SKAP2: variants seen among roughly 807,000 people sequenced by gnomAD.
SKAP2 encodes the protein src kinase-associated phosphoprotein 2.
A neutral mutation model predicts 54.9 loss-of-function variants in SKAP2; 28 were observed. The observed-to-expected ratio is 0.51, with a 90% CI of 0.38 to 0.70. SKAP2 has a LOEUF of 0.70. Ranked by LOEUF, SKAP2 falls within the 30% of genes least tolerant of loss-of-function variation. The pLI, the probability that SKAP2 is intolerant of heterozygous loss-of-function variation, is 0.00. For synonymous variants in SKAP2, 137 were observed against 134.3 expected, an observed-to-expected ratio of 1.02 and a Z score of -0.14; for missense variants, 356 against 424.1, an observed-to-expected ratio of 0.84 and a Z score of 1.41.
chr7:26,670,166 T>C lies in SKAP2; in HGVS notation c.1014A>G (p.Val338=), dbSNP rs778501769. 6.4e-7 allele frequency: 1 copy of C among 1,566,640 alleles called. No individual in the cohort carries two copies. Among genetic ancestry groups the C allele is most frequent in the Non-Finnish European group, 8.8e-7 (1 of 1,137,170 alleles). The change falls in exon 12 of 13, where the codon GTA becomes GTG. Residue 338 remains valine, a synonymous_variant. Transcript: ENST00000345317. ...AGCCAATGGCTCCCTTCATTTCTCC[T>C]ACCCACCAGCCATATCTATTGTATT... ...SKEYNRYGWW[V]GEMKGAIGLV...
intron 3 of SKAP2, among the ~76,000 whole-genome samples, chr7:26,852,329 T>C (rs1785061772): frequency 6.6e-6 from 1 of 152,212 alleles, no homozygotes; most frequent in South Asian, 2.1e-4. Flanking sequence ...TTACTATGCC[T>C]AACAAAGTAC....
Position 26,802,357 on chromosome 7 carries a change from C to T in SKAP2, c.307+41673G>A, listed in dbSNP as rs555420118. Among the ~76,000 whole-genome samples, 78 of 151,214 alleles carry T rather than the reference C, an allele frequency of 5.2e-4. No homozygotes were observed. In the South Asian group the frequency reaches 0.013, roughly 25 times the overall value. On this transcript the variant is annotated intron_variant, in intron 4 of 12. Coordinates refer to ENST00000345317, the MANE Select transcript of SKAP2 (RefSeq NM_003930.5). Reference sequence around the variant, plus strand: ...CATGATCTCAGCTCACTGCAACCTCCGCCTCCCGAGTTCAAGCGATTCTCC... The same window carrying T: ...CATGATCTCAGCTCACTGCAACCTCTGCCTCCCGAGTTCAAGCGATTCTCC...
At chr7:26,687,568 A>G (rs1225053550) in intron 10 of SKAP2, among the ~76,000 whole-genome samples, 2 of 152,124 alleles carry the variant, frequency 1.3e-5, no homozygotes, top group Non-Finnish European at 2.9e-5. Context: ...TATGTTTATT[A>G]GCCTTAGTCT....
At chr7:26,700,115 G>C (rs895073497) in intron 9 of SKAP2, among the ~76,000 whole-genome samples, 10 of 152,080 alleles carry the variant, frequency 6.6e-5, no homozygotes, top group Admixed American at 5.2e-4. Context: ...GAATAGGTTG[G>C]ATATGATAAT....
At chr7:26,804,863 G>A (rs1229396429) in intron 4 of SKAP2, among the ~76,000 whole-genome samples, 1 of 151,952 alleles carries the variant, frequency 6.6e-6, no homozygotes, top group Non-Finnish European at 1.5e-5. Context: ...AGAAAAGCCA[G>A]TTAACAGTGA....
intron 4 of SKAP2, among the ~76,000 whole-genome samples, chr7:26,813,404 CA>C (rs1436836644): frequency 6.6e-6 from 1 of 152,092 alleles, no homozygotes; most frequent in African/African-American, 2.4e-5. Flanking sequence ...TTTTTAAAGC[CA>C]ACAACAACAA....
At chr7:26,735,961 A>G (rs554991217) in intron 6 of SKAP2, among the ~76,000 whole-genome samples, 1 of 152,322 alleles carries the variant, frequency 6.6e-6, no homozygotes, top group East Asian at 1.9e-4. Context: ...AACAAATCTA[A>G]AATTTCACTG....
At chr7:26,863,728 C>A (rs1357283881) in intron 1 of SKAP2, among the ~76,000 whole-genome samples, 1 of 152,166 alleles carries the variant, frequency 6.6e-6, no homozygotes, top group Non-Finnish European at 1.5e-5. Flanking sequence ...AGAACTTTAA[C>A]ATATCCTTCC....
At chr7:26,766,654 C>T (rs920383319) in intron 4 of SKAP2, among the ~76,000 whole-genome samples, 19 of 152,122 alleles carry the variant, frequency 1.2e-4, no homozygotes, top group African/African-American at 4.6e-4. Flanking sequence ...CCATCAGTAC[C>T]TATTTTATTG....
chr7:26,756,784 A>G (rs1031682810), intron 4 of SKAP2, among the ~76,000 whole-genome samples: 3 of 152,232 alleles, frequency 2.0e-5, no homozygotes, highest in Admixed American at 6.5e-5. Context: ...GAACTAGTTT[A>G]CAGTCCCACC....
chr7:26,828,166 A>G (rs1784529926), intron 4 of SKAP2, among the ~76,000 whole-genome samples: 2 of 152,206 alleles, frequency 1.3e-5, no homozygotes, highest in Non-Finnish European at 1.5e-5. Context: ...AAAATGATCT[A>G]TTAGACTATG....
At chr7:26,747,723 CCTTCCTCCTCT>C (rs1428386176) in intron 4 of SKAP2, among the ~76,000 whole-genome samples, 2 of 151,700 alleles carry the variant, frequency 1.3e-5, no homozygotes, top group Non-Finnish European at 2.9e-5. Context: ...TACATCTCTT[CCTTCCTCCTCT>C]CCTCTCCTGC....
At chr7:26,852,515 T>C (rs1476198042) in intron 3 of SKAP2, among the ~76,000 whole-genome samples, 1 of 152,186 alleles carries the variant, frequency 6.6e-6, no homozygotes, top group East Asian at 1.9e-4. Context: ...AAATGACTTA[T>C]TCAGAGGAAA....
intron 3 of SKAP2, among the ~76,000 whole-genome samples, chr7:26,844,551 C>T (rs569388860): frequency 1.6e-4 from 25 of 152,078 alleles, no homozygotes; most frequent in Middle Eastern, 3.4e-3. Context: ...CAAGTAATTC[C>T]ATTTACCTAT....
intron 6 of SKAP2, among the ~76,000 whole-genome samples, chr7:26,730,537 G>A (rs1787801757): frequency 6.6e-6 from 1 of 152,038 alleles, no homozygotes; most frequent in African/African-American, 2.4e-5. Flanking sequence ...GTATCATTTT[G>A]AGTATTAGTT....
intron 9 of SKAP2, among the ~76,000 whole-genome samples, chr7:26,713,654 C>A (rs1474082808): frequency 6.6e-6 from 1 of 151,512 alleles, no homozygotes; most frequent in Non-Finnish European, 1.5e-5. Flanking sequence ...GGCTGGAGTG[C>A]AGTGGCGCGA....
At chr7:26,787,954 T>C (rs186627000) in intron 4 of SKAP2, among the ~76,000 whole-genome samples, 2 of 152,222 alleles carry the variant, frequency 1.3e-5, no homozygotes, top group East Asian at 1.9e-4. Flanking sequence ...CTCCCAACTG[T>C]AAGTGATTCT....
the SKAP2 span, among the ~76,000 whole-genome samples, chr7:26,659,062 A>G: frequency 6.6e-6 from 1 of 152,212 alleles, no homozygotes; most frequent in Admixed American, 6.5e-5. Flanking sequence ...GGCTTATTCC[A>G]CAATTATGTT....
At chr7:26,686,297 CTT>C (rs899975097) in intron 10 of SKAP2, among the ~76,000 whole-genome samples, 6 of 151,996 alleles carry the variant, frequency 3.9e-5, no homozygotes, top group Non-Finnish European at 7.4e-5. Flanking sequence ...AATTTTGTCT[CTT>C]GTTTTCTAAG....
Sources: allele counts gnomAD v4.1 joint callset (sites outside exome capture counted in the v4.1 genomes callset), GRCh38; gene constraint gnomAD v4.1.1; transcripts MANE v1.5; gene names NCBI Gene and HGNC (gene_info 2026-07-23, HGNC 2026-07-21).